KLHL1: variants seen among roughly 807,000 people sequenced by gnomAD.
KLHL1 encodes the protein kelch-like protein 1.
KLHL1 carries 47 observed loss-of-function variants against 77.7 expected under a neutral mutation model. That is an observed-to-expected ratio of 0.60 (90% confidence interval 0.48 to 0.77). The LOEUF is 0.77. KLHL1 is among the 30% of genes least tolerant of loss of function. The pLI is 0.00. For synonymous variants in KLHL1, 360 were observed against 325.2 expected (o/e 1.11, Z -1.15); for missense variants, 925 against 910.8 (o/e 1.02, Z -0.20).
chr13:69,792,758 G>A (rs1372416882), intron 7 of KLHL1, among the ~76,000 whole-genome samples: 1 of 152,082 alleles, frequency 6.6e-6, no homozygotes, highest in Admixed American at 6.6e-5. Flanking sequence ...AAAACATTGT[G>A]CTACATGAAA....
At chr13:69,880,812 A>G (rs1215490745) in intron 5 of KLHL1, among the ~76,000 whole-genome samples, 7 of 152,148 alleles carry the variant, frequency 4.6e-5, no homozygotes, top group Non-Finnish European at 2.9e-5. Flanking sequence ...TGTGCACAAC[A>G]TAATTCCAAA....
In KLHL1 at chr13:70,107,604, C is replaced by T. The variant is rs1888104003; in HGVS notation, c.96G>A (p.Pro32=). ...FSHPSPSTGG[P]AGGGCLQQDG... is the part of the protein sequence containing the mutation. ...CCTGTTGCAGGCAGCCTCCCCCCGC[C>T]GGGCCGCCGGTGGAAGGAGACGGGT... The change falls in exon 1 of 11, where the codon CCG becomes CCA. Residue 32 remains proline, a synonymous_variant. Transcript: ENST00000377844. 9 of 1,593,760 alleles carry T rather than the reference C, an allele frequency of 5.6e-6. No homozygotes were observed. The highest frequency in any genetic ancestry group is 7.7e-6 in the Non-Finnish European group (9 of 1,170,370).
intron 4 of KLHL1, among the ~76,000 whole-genome samples, chr13:69,934,686 C>T (rs1883112278): frequency 6.6e-6 from 1 of 151,790 alleles, no homozygotes; most frequent in South Asian, 2.1e-4. Context: ...GATCTTCAGC[C>T]TCATAAACTA....
At chr13:69,899,636 C>T (rs753302825) in intron 4 of KLHL1, among the ~76,000 whole-genome samples, 5 of 152,102 alleles carry the variant, frequency 3.3e-5, no homozygotes, top group South Asian at 4.1e-4. Context: ...AAAAGTGAGA[C>T]GGCCTTAGTT....
At chr13:70,022,273 GTGTGTGTT>G (rs1385964261) in intron 1 of KLHL1, among the ~76,000 whole-genome samples, 2 of 53,434 alleles carry the variant, frequency 3.7e-5, no homozygotes, top group African/African-American at 2.5e-4. Context: ...AGTTGATTAC[GTGTGTGTT>G]TGTGTGTGTG....
At chr13:69,744,255 G>A (rs1382917289) in intron 7 of KLHL1, among the ~76,000 whole-genome samples, 1 of 152,000 alleles carries the variant, frequency 6.6e-6, no homozygotes, top group Admixed American at 6.6e-5. Flanking sequence ...AGAAGCTTTT[G>A]GTATTTGTAA....
intron 7 of KLHL1, among the ~76,000 whole-genome samples, chr13:69,769,848 A>G (rs1200309065): frequency 6.6e-6 from 1 of 152,128 alleles, no homozygotes; most frequent in Non-Finnish European, 1.5e-5. Flanking sequence ...GTCATGGGAC[A>G]AGAACCCAGA....
chr13:69,961,257 G>C (rs748944569), intron 3 of KLHL1, 51 bp downstream of exon 3: 27 of 1,548,838 alleles, frequency 1.7e-5, no homozygotes, highest in Non-Finnish European at 2.1e-5. Context: ...TAAAGGAAAT[G>C]AGCTAAAATT....
intron 5 of KLHL1, among the ~76,000 whole-genome samples, chr13:69,871,728 T>C (rs1312544020): frequency 7.7e-6 from 1 of 129,708 alleles, no homozygotes; most frequent in African/African-American, 2.8e-5. Context: ...TCGGCCAACT[T>C]TTTTTTTTTT....
At chr13:69,909,675 A>G (rs937427031) in intron 4 of KLHL1, among the ~76,000 whole-genome samples, 3 of 152,074 alleles carry the variant, frequency 2.0e-5, no homozygotes, top group African/African-American at 7.2e-5. Context: ...GGTCTTAAAA[A>G]TAATTTTTGG....
At chr13:69,908,543 G>T (rs535287695) in intron 4 of KLHL1, among the ~76,000 whole-genome samples, 1 of 147,234 alleles carries the variant, frequency 6.8e-6, no homozygotes, top group Non-Finnish European at 1.5e-5. Context: ...AAGAGAAAAC[G>T]TAAAAACCAC....
intron 1 of KLHL1, among the ~76,000 whole-genome samples, chr13:70,033,604 C>CTTTT (rs71116981): frequency 3.2e-4 from 15 of 47,188 alleles, no homozygotes; most frequent in East Asian, 7.2e-4. Context: ...CCGCAACTGG[C>CTTTT]TTTTTTTTTT....
chr13:70,107,682 T>A lies in KLHL1; in HGVS notation c.18A>T (p.Arg6=). 6.5e-7 allele frequency: 1 copy of A among 1,530,620 alleles called. No homozygotes were observed. The highest frequency in any genetic ancestry group is 8.7e-7 in the Non-Finnish European group (1 of 1,143,464). The allele number at this position is 1,530,620 out of a possible 1,614,324, so 94.8% of individuals were successfully genotyped here. The change falls in exon 1 of 11, where the codon CGA becomes CGT. Residue 6 remains arginine (R), a synonymous_variant. Transcript: ENST00000377844. ...GAATGTGCTTCACATCGAAGTCTTT[T>A]CGCCCAGAGCCTGACATGCTTTACG... MSGSG[R]KDFDVKHILR...
At chr13:70,081,228 C>T (rs299526) in intron 1 of KLHL1, among the ~76,000 whole-genome samples, 133,271 of 152,208 alleles carry the variant, frequency 0.88, 58,394 homozygotes, top group East Asian at 1. Flanking sequence ...ACCACTGGCT[C>T]ATTAACTTTC....
intron 1 of KLHL1, among the ~76,000 whole-genome samples, chr13:70,041,113 C>A (rs550033649): frequency 4.0e-5 from 6 of 151,862 alleles, no homozygotes; most frequent in Non-Finnish European, 7.4e-5. Context: ...CTCTTCTATA[C>A]CTTTGCTCAT....
At chr13:69,782,337 C>G (rs563776370) in intron 7 of KLHL1, among the ~76,000 whole-genome samples, 1 of 152,154 alleles carries the variant, frequency 6.6e-6, no homozygotes, top group South Asian at 2.1e-4. Context: ...TGCAGCGCAC[C>G]GTGTGCTAGC....
At chr13:70,071,109 C>G (rs9564645) in intron 1 of KLHL1, among the ~76,000 whole-genome samples, 65,131 of 151,528 alleles carry the variant, frequency 0.43, 15,076 homozygotes, top group East Asian at 0.65. Flanking sequence ...CAATTAAAAG[C>G]CAGAGACTCT....
intron 2 of KLHL1, among the ~76,000 whole-genome samples, chr13:69,973,284 C>A (rs74090683): frequency 4.0e-4 from 60 of 151,690 alleles, no homozygotes; most frequent in African/African-American, 1.4e-3. Context: ...ATGTAGAGTC[C>A]TTCAATGAGG....
intron 3 of KLHL1, among the ~76,000 whole-genome samples, chr13:69,953,925 T>C (rs1883790229): frequency 6.6e-6 from 1 of 151,276 alleles, no homozygotes; most frequent in African/African-American, 2.4e-5. Context: ...TGCTGCATGC[T>C]AAACTTTATG....
Sources: allele counts gnomAD v4.1 joint callset (sites outside exome capture counted in the v4.1 genomes callset), GRCh38; gene constraint gnomAD v4.1.1; transcripts MANE v1.5; gene names NCBI Gene and HGNC (gene_info 2026-07-23, HGNC 2026-07-21).